The following DOCK9 variants were observed in gnomAD, a reference collection of about 807,000 sequenced individuals.
The protein encoded by DOCK9 is dedicator of cytokinesis protein 9.
A neutral mutation model predicts 263.3 loss-of-function variants in DOCK9; 89 were observed. The observed-to-expected ratio is 0.34, with a 90% CI of 0.28 to 0.40. The LOEUF (loss-of-function observed/expected upper bound fraction) is 0.40. Ranked by LOEUF, DOCK9 falls within the 10% of genes least tolerant of loss-of-function variation. DOCK9 has a pLI of 1.00. For synonymous variants in DOCK9, 976 were observed against 973.1 expected (o/e 1.00, Z -0.06); for missense variants, 2,140 against 2,603.4 (o/e 0.82, Z 3.87).
intron 35 of DOCK9, among the ~76,000 whole-genome samples, chr13:98,850,407 T>C (rs1012530532): frequency 3.3e-5 from 5 of 152,250 alleles, no homozygotes; most frequent in African/African-American, 1.2e-4. Context: ...TGCTCTTAAA[T>C]AGACTAGAAA....
chr13:98,962,456 CA>C (rs1391739287), intron 1 of DOCK9, among the ~76,000 whole-genome samples: 1 of 152,170 alleles, frequency 6.6e-6, no homozygotes, highest in Admixed American at 6.5e-5. Flanking sequence ...CGTGTGTCCA[CA>C]CGAATGCTGA....
At chr13:98,930,942 C>A (rs2053818841) in intron 2 of DOCK9, among the ~76,000 whole-genome samples, 2 of 152,216 alleles carry the variant, frequency 1.3e-5, no homozygotes, top group Admixed American at 1.3e-4. Flanking sequence ...CCATGCCCAG[C>A]CATTTTGAAC....
chr13:98,879,815 A>C, intron 27 of DOCK9, 83 bp downstream of exon 27: 1 of 1,160,632 alleles, frequency 8.6e-7, no homozygotes, highest in Admixed American at 2.4e-5. Flanking sequence ...GCACAGAGAA[A>C]GCATGAAGAA....
At chr13:99,012,710 T>C (rs139729664) in intron 1 of DOCK9, among the ~76,000 whole-genome samples, 70 of 152,232 alleles carry the variant, frequency 4.6e-4, no homozygotes, top group African/African-American at 1.6e-3. Context: ...GTCTGGACAA[T>C]ATCCAATTGT....
intron 1 of DOCK9, among the ~76,000 whole-genome samples, chr13:99,005,029 T>TA (rs1195217190): frequency 2.6e-5 from 4 of 152,066 alleles, no homozygotes; most frequent in African/African-American, 9.7e-5. Flanking sequence ...CCTTTGCTTA[T>TA]ATTTTGCTGG....
Position 98,860,479 on chromosome 13 carries a change from A to G in DOCK9, c.3623T>C (p.Leu1208Pro). The change falls in exon 33 of 53, where the codon CTG becomes CCG. Residue 1208 changes from leucine (L) to proline (P), a missense_variant. Coordinates refer to ENST00000682017, the MANE Select transcript of DOCK9 (RefSeq NM_001366683.2). ...GGTGCTTCCCTTCTGCGGCGTCACC[A>G]GCGGATTCACAGCTGGTAGAGCCAG... The part of the protein sequence containing the change: ...ESLALPAVNP[L>P]VTPQKGSTLD... 1.3e-6 allele frequency: 2 copies of G among 1,585,724 alleles called. No individual in the cohort carries two copies. Among genetic ancestry groups the G allele is most frequent in the Non-Finnish European group, 1.7e-6 (2 of 1,164,732 alleles).
intron 1 of DOCK9, among the ~76,000 whole-genome samples, chr13:98,958,158 C>A (rs1413544137): frequency 1.3e-5 from 2 of 152,214 alleles, no homozygotes; most frequent in Non-Finnish European, 2.9e-5. Flanking sequence ...GTTCCTACAG[C>A]AGGGCAGCCA....
intron 1 of DOCK9, among the ~76,000 whole-genome samples, chr13:99,076,965 A>G (rs1257998107): frequency 2.0e-5 from 3 of 152,196 alleles, no homozygotes; most frequent in African/African-American, 7.2e-5. Flanking sequence ...TTCAAAGGCC[A>G]GAGAGAGTGG....
chr13:98,925,273 C>G (rs1381844931), intron 4 of DOCK9, among the ~76,000 whole-genome samples: 7 of 152,296 alleles, frequency 4.6e-5, no homozygotes, highest in South Asian at 4.1e-4. Context: ...AAAAGATAGT[C>G]TGTCAAGGCA....
chr13:99,056,622 T>C (rs991680187), intron 1 of DOCK9, among the ~76,000 whole-genome samples: 1 of 152,100 alleles, frequency 6.6e-6, no homozygotes, highest in Non-Finnish European at 1.5e-5. Flanking sequence ...GGCAACAAAC[T>C]CCTCCCCCAC....
chr13:98,993,654 T>C (rs1238199856), intron 1 of DOCK9, among the ~76,000 whole-genome samples: 2 of 152,178 alleles, frequency 1.3e-5, no homozygotes, highest in Non-Finnish European at 2.9e-5. Context: ...GGCAGGAGAA[T>C]GGCGTGAACC....
intron 15 of DOCK9, 125 bp from the exon 16 acceptor site, chr13:98,888,836 C>T (rs575837045): frequency 5.5e-5 from 43 of 777,974 alleles, no homozygotes; most frequent in Non-Finnish European, 7.2e-5. Context: ...TTCTAGTAGC[C>T]TCATGAAAAA....
intron 1 of DOCK9, among the ~76,000 whole-genome samples, chr13:99,019,097 C>T (rs1595919797): frequency 6.6e-6 from 1 of 152,066 alleles, no homozygotes; most frequent in South Asian, 2.1e-4. Flanking sequence ...ACGAATGGCC[C>T]GAAAACCATT....
Position 98,860,857 on chromosome 13 carries a change from T to C in DOCK9, c.3580-335A>G, listed in dbSNP as rs531345471. On this transcript the variant is annotated intron_variant, in intron 32 of 52. Transcript: ENST00000682017. ...TTCCTTAGATTATTGTTTTGTTTTG[T>C]TTTTTTCCTTCAGAGAAAGCCTCCC... Among the ~76,000 whole-genome samples the C allele has an allele frequency of 2.3e-4, 35 of 152,256 alleles. No individual in the cohort carries two copies. The East Asian group carries it at 5.2e-3, about 23-fold the overall frequency.
intron 29 of DOCK9, 27 bp downstream of exon 29, chr13:98,867,901 T>G: frequency 6.3e-7 from 1 of 1,595,826 alleles, no homozygotes. Flanking sequence ...TGGTGACTTC[T>G]GTTACCAGTA....
In DOCK9 at chr13:98,991,670, TATATAA is replaced by T. The variant is rs928895546; in HGVS notation, c.130-36125_130-36120del. Among the ~76,000 whole-genome samples the T allele has an allele frequency of 5.7e-4, 86 of 150,782 alleles. No individual in the cohort carries two copies. In the Middle Eastern group the frequency reaches 0.014, roughly 25 times the overall value. On this transcript the variant is annotated intron_variant, in intron 1 of 32. Transcript: ENST00000427887. ...ATAGCTAGCAGAAAATGTAAAATTA[TATATAA>T]ATATAAATTACATATATACATATAT...
At chr13:99,027,446 T>C (rs1364918732) in intron 1 of DOCK9, among the ~76,000 whole-genome samples, 1 of 152,134 alleles carries the variant, frequency 6.6e-6, no homozygotes, top group African/African-American at 2.4e-5. Context: ...TCAGGCCCAC[T>C]GAAGGGCTGC....
chr13:98,921,980 G>T, intron 6 of DOCK9, 71 bp downstream of exon 6: 2 of 1,267,392 alleles, frequency 1.6e-6, no homozygotes, highest in South Asian at 1.3e-5. Context: ...CATTCATCTT[G>T]AGCATTGTTC....
chr13:98,823,372 C>A (rs1280518572), intron 45 of DOCK9, among the ~76,000 whole-genome samples: 2 of 152,194 alleles, frequency 1.3e-5, no homozygotes, highest in Non-Finnish European at 2.9e-5. Context: ...TATGGCCTAG[C>A]TCATGTCATG....
Sources: gnomAD v4.1 joint callset for allele counts (sites outside exome capture counted in the v4.1 genomes callset) on GRCh38, gnomAD v4.1.1 for gene constraint, MANE v1.5 for transcripts, NCBI Gene and HGNC (gene_info 2026-07-23, HGNC 2026-07-21) for gene names.